Variants in COMMD10 observed in about 807,000 individuals in gnomAD.
The protein encoded by COMMD10 is COMM domain containing 10, also known as COMM domain-containing protein 10.
COMMD10 carries 33 observed loss-of-function variants against 28.9 expected under a neutral mutation model. That is an observed-to-expected ratio of 1.14 (90% CI 0.87 to 1.53). COMMD10 has a LOEUF of 1.53. COMMD10 is among the 40% of genes most tolerant of loss of function. The pLI is 0.00. For synonymous variants in COMMD10, 110 were observed against 81.7 expected (o/e 1.35, Z -1.87); for missense variants, 310 against 233.4 (o/e 1.33, Z -2.14).
intron 5 of COMMD10, among the ~76,000 whole-genome samples, chr5:116,136,791 A>C (rs1414446649): frequency 1.3e-5 from 2 of 152,196 alleles, no homozygotes. Context: ...TTAATCTTAT[A>C]ACTTGCAGAG....
At chr5:116,236,490 G>GC (rs1232508406) in intron 5 of COMMD10, among the ~76,000 whole-genome samples, 2 of 128,792 alleles carry the variant, frequency 1.6e-5, no homozygotes, top group Non-Finnish European at 3.1e-5. Context: ...GGTGACAAGA[G>GC]CAAGACTCCG....
chr5:116,223,602 G>A (rs1025350570), intron 5 of COMMD10, among the ~76,000 whole-genome samples: 6 of 152,116 alleles, frequency 3.9e-5, no homozygotes, highest in Admixed American at 6.5e-5. Context: ...AGAGAAGCTC[G>A]GGAAAAATTT....
intron 4 of COMMD10, among the ~76,000 whole-genome samples, chr5:116,127,040 A>C (rs6594945): frequency 1.3e-5 from 2 of 152,066 alleles, no homozygotes; most frequent in South Asian, 4.1e-4. Flanking sequence ...ACAAAGGGCT[A>C]ATATCCAGAA....
chr5:116,168,759 A>G (rs934137390), intron 5 of COMMD10, among the ~76,000 whole-genome samples: 3 of 152,238 alleles, frequency 2.0e-5, no homozygotes, highest in Non-Finnish European at 4.4e-5. Flanking sequence ...GAAGGCAGAA[A>G]TAAAAAGTTC....
intron 5 of COMMD10, among the ~76,000 whole-genome samples, chr5:116,247,193 A>G (rs1749976147): frequency 6.6e-6 from 1 of 152,044 alleles, no homozygotes. Flanking sequence ...AAGAAGATAT[A>G]CATATGGTCA....
chr5:116,208,861 TAC>T (rs1748884109), intron 5 of COMMD10, among the ~76,000 whole-genome samples: 1 of 152,220 alleles, frequency 6.6e-6, no homozygotes, highest in Non-Finnish European at 1.5e-5. Context: ...CTTAAACTTT[TAC>T]ACAGTTACTG....
At chr5:116,188,450 AT>A (rs2112607480) in intron 5 of COMMD10, 1 of 129,702 alleles carries the variant, frequency 7.7e-6, no homozygotes, top group East Asian at 2.0e-4. Context: ...TTTTTATTTT[AT>A]TTAAAAAAAA....
chr5:116,220,670 A>C (rs1033759656), intron 5 of COMMD10, among the ~76,000 whole-genome samples: 2 of 152,198 alleles, frequency 1.3e-5, no homozygotes, highest in African/African-American at 4.8e-5. Context: ...AAATGTACTT[A>C]ATTACTTTGT....
intron 5 of COMMD10, among the ~76,000 whole-genome samples, chr5:116,263,835 T>A (rs1302821329): frequency 6.6e-6 from 1 of 151,710 alleles, no homozygotes; most frequent in Non-Finnish European, 1.5e-5. Context: ...ATCTCATGCC[T>A]CCCTAAAAAT....
chr5:116,098,027 C>T (rs900227843), intron 4 of COMMD10, among the ~76,000 whole-genome samples: 1 of 152,088 alleles, frequency 6.6e-6, no homozygotes, highest in East Asian at 1.9e-4. Context: ...TGTCACATAC[C>T]TTTTAAAAGT....
chr5:116,286,103 G>C (rs913849822), intron 5 of COMMD10, among the ~76,000 whole-genome samples: 1 of 151,646 alleles, frequency 6.6e-6, no homozygotes, highest in Non-Finnish European at 1.5e-5. Context: ...GTTGTTTCTA[G>C]GAATTTATCC....
chr5:116,226,597 G>A (rs1458590716), intron 5 of COMMD10, among the ~76,000 whole-genome samples: 1 of 151,700 alleles, frequency 6.6e-6, no homozygotes, highest in East Asian at 1.9e-4. Flanking sequence ...AGCAATATTG[G>A]GGGACTTGGG....
At chr5:116,291,433 C>G in intron 5 of COMMD10, 84 bp from the exon 6 acceptor site, 1 of 924,500 alleles carries the variant, frequency 1.1e-6, no homozygotes, top group South Asian at 1.5e-5. Flanking sequence ...AATCTTATGT[C>G]ATATTCTGAG....
intron 6 of COMMD10, 34 bp downstream of exon 6, chr5:116,291,610 G>A: frequency 8.2e-7 from 1 of 1,212,606 alleles, no homozygotes; most frequent in Non-Finnish European, 1.2e-6. Context: ...CTAATATGTG[G>A]AGTTTTTTTC....
In COMMD10 at chr5:116,176,778, A is replaced by G. The variant is rs1206230040; in HGVS notation, c.510+42600A>G. On this transcript the variant is annotated intron_variant, in intron 5 of 6. Transcript: ENST00000274458. ...TGTTGTCAGTATCTCCCTAAATCTA[A>G]TAAGGAGACAGAAACCACAAAGTAA... Among the ~76,000 whole-genome samples the G allele has an allele frequency of 2.6e-5, 4 of 152,228 alleles. No individual in the cohort carries two copies. In the East Asian group the frequency reaches 7.7e-4, roughly 29 times the overall value.
chr5:116,181,280 G>A (rs982684926), intron 5 of COMMD10, among the ~76,000 whole-genome samples: 1 of 151,902 alleles, frequency 6.6e-6, no homozygotes, highest in Non-Finnish European at 1.5e-5. Context: ...ATGGTCAGTT[G>A]ATAATATGTG....
intron 5 of COMMD10, among the ~76,000 whole-genome samples, chr5:116,143,402 ATC>A (rs1752253051): frequency 6.6e-6 from 1 of 151,668 alleles, no homozygotes; most frequent in African/African-American, 2.4e-5. Flanking sequence ...GGAGGAGAAA[ATC>A]TCTGTTAAAA....
rs559422376 is a variant in COMMD10 at position 116,100,275 on chromosome 5, G to A, written c.399+7575G>A. The stretch of plus-strand genomic sequence containing the variant: ...TTCATTTTGTTAAGTTTCCTTTGTT[G>A]TGTAGAAGCTTTTTAGTTTGATATA... On this transcript the variant is annotated intron_variant, in intron 4 of 6. Transcript: ENST00000274458. Among the ~76,000 whole-genome samples, 50 of 152,112 alleles carry A rather than the reference G, an allele frequency of 3.3e-4. 1 individual carries two copies. The Middle Eastern group carries it at 0.01, about 31-fold the overall frequency.
intron 5 of COMMD10, among the ~76,000 whole-genome samples, chr5:116,161,598 T>A (rs1019807283): frequency 1.3e-5 from 2 of 152,180 alleles, no homozygotes; most frequent in African/African-American, 4.8e-5. Flanking sequence ...CATTATGTAC[T>A]ATATTTTAGC....
Sources: gnomAD v4.1 joint callset for allele counts (sites outside exome capture counted in the v4.1 genomes callset) on GRCh38, gnomAD v4.1.1 for gene constraint, MANE v1.5 for transcripts, NCBI Gene and HGNC (gene_info 2026-07-23, HGNC 2026-07-21) for gene names.